The following LRBA variants were observed in gnomAD, a reference collection of about 807,000 sequenced individuals.
LRBA encodes the protein LPS responsive beige-like anchor protein.
Under a neutral mutation model 330.0 loss-of-function variants are expected in LRBA, and 176 were observed. The ratio of observed to expected loss-of-function variants is 0.53; its 90% CI spans 0.47 to 0.60. The LOEUF (loss-of-function observed/expected upper bound fraction) is 0.60, where lower values mean the gene tolerates loss of function less well. LRBA is among the 20% of genes least tolerant of loss of function. The pLI is 0.00. For missense variants in LRBA, 3,259 were observed against 3,444.8 expected (o/e 0.95, Z 1.35); for synonymous variants, 1,230 against 1,193.0 (o/e 1.03, Z -0.64).
intron 36 of LRBA, among the ~76,000 whole-genome samples, chr4:150,719,225 TTC>T (rs1185989025): frequency 1.3e-5 from 2 of 151,994 alleles, no homozygotes; most frequent in East Asian, 1.9e-4. Flanking sequence ...ACCTTCCTCG[TTC>T]TCTCTCATTC....
intron 40 of LRBA, among the ~76,000 whole-genome samples, chr4:150,574,664 T>C (rs1272213126): frequency 9.2e-5 from 14 of 152,054 alleles, no homozygotes. Flanking sequence ...TACATATCTA[T>C]AGATTTGTAT....
intron 40 of LRBA, among the ~76,000 whole-genome samples, chr4:150,551,398 A>C (rs1384453613): frequency 6.6e-6 from 1 of 152,110 alleles, no homozygotes; most frequent in East Asian, 1.9e-4. Flanking sequence ...AAGACTAAAA[A>C]GCAGGAGTGG....
chr4:150,487,992 T>G (rs1259892139), intron 41 of LRBA, among the ~76,000 whole-genome samples, 158 bp from the exon 42 acceptor site: 1 of 151,728 alleles, frequency 6.6e-6, no homozygotes, highest in Non-Finnish European at 1.5e-5. Context: ...GTTTTAGTAT[T>G]AATATGCCAG....
At chr4:150,501,382 T>C (rs901806270) in intron 40 of LRBA, among the ~76,000 whole-genome samples, 4 of 152,000 alleles carry the variant, frequency 2.6e-5, no homozygotes, top group Admixed American at 2.0e-4. Flanking sequence ...TAGGCCAAGG[T>C]GGGAGAATCA....
At chr4:150,278,549 G>A (rs150119661) in intron 55 of LRBA, among the ~76,000 whole-genome samples, 88 of 152,258 alleles carry the variant, frequency 5.8e-4, no homozygotes, top group Non-Finnish European at 1.1e-3. Context: ...TCTCAGTTCA[G>A]CATTTTCTTG....
intron 56 of LRBA, among the ~76,000 whole-genome samples, chr4:150,276,374 C>CAAAG (rs1325308436): frequency 3.9e-5 from 6 of 152,128 alleles, no homozygotes; most frequent in Non-Finnish European, 7.3e-5. Flanking sequence ...TAGGCATGGG[C>CAAAG]AAAGACTTCA....
chr4:150,427,764 T>A (rs1749836371), intron 46 of LRBA, among the ~76,000 whole-genome samples: 1 of 152,028 alleles, frequency 6.6e-6, no homozygotes, highest in Non-Finnish European at 1.5e-5. Flanking sequence ...AATTACTAAA[T>A]CATCGAAGTT....
rs373460238 is a variant in LRBA at position 150,908,326 on chromosome 4, G to C, written c.1493+8C>G. 5 of 1,604,034 alleles carry C rather than the reference G, an allele frequency of 3.1e-6. No individual in the cohort carries two copies. Among genetic ancestry groups the C allele is most frequent in the Non-Finnish European group, 4.2e-6 (5 of 1,177,762 alleles). Reference sequence around the variant, plus strand: ...CAGCCAATTAAAGAAACAAATAAAGGCACTCACCATATAGTCAAATCAATC... The same window carrying C: ...CAGCCAATTAAAGAAACAAATAAAGCCACTCACCATATAGTCAAATCAATC... On this transcript the variant is annotated splice_region_variant and intron_variant, in intron 11 of 56. Transcript: ENST00000651943.
At chr4:150,336,321 T>A (rs149877995) in intron 48 of LRBA, among the ~76,000 whole-genome samples, 2 of 152,226 alleles carry the variant, frequency 1.3e-5, no homozygotes, top group African/African-American at 4.8e-5. Flanking sequence ...TTTACTTTTT[T>A]AACTTATCTG....
intron 44 of LRBA, among the ~76,000 whole-genome samples, chr4:150,455,549 A>C (rs1166771045): frequency 6.6e-6 from 1 of 152,156 alleles, no homozygotes; most frequent in Admixed American, 6.6e-5. Flanking sequence ...ATAGGTACAT[A>C]GTTTGTGTAT....
At chr4:150,803,420 G>A (rs1473090530) in intron 33 of LRBA, among the ~76,000 whole-genome samples, 1 of 151,904 alleles carries the variant, frequency 6.6e-6, no homozygotes, top group African/African-American at 2.4e-5. Flanking sequence ...TAAGTTCATA[G>A]ATACTATACT....
rs571900852 is a variant in LRBA, at chr4:150,505,438, G to A, written c.6331-14403C>T. ...AGGATTAAGAAACTCAATCAAAACC[G>A]CTCAACTACATGGAAACTGAACAAC... On this transcript the variant is annotated intron_variant, in intron 40 of 56. Transcript: ENST00000651943. Among the ~76,000 whole-genome samples the A allele has an allele frequency of 9.2e-4, 140 of 152,164 alleles. 3 individuals are homozygous for A. The South Asian group carries it at 0.021, about 23-fold the overall frequency.
chr4:150,675,053 A>C (rs941474635), intron 37 of LRBA, among the ~76,000 whole-genome samples: 1 of 152,012 alleles, frequency 6.6e-6, no homozygotes, highest in South Asian at 2.1e-4. Context: ...TTTGTTGCCC[A>C]GAAAGAAAAA....
chr4:150,288,597 A>T (rs1407692660), intron 53 of LRBA, among the ~76,000 whole-genome samples: 1 of 152,184 alleles, frequency 6.6e-6, no homozygotes, highest in East Asian at 1.9e-4. Flanking sequence ...TCAAAAAAAT[A>T]ATAAAATAAG....
intron 40 of LRBA, among the ~76,000 whole-genome samples, chr4:150,568,309 T>C (rs774927628): frequency 6.6e-6 from 1 of 152,142 alleles, no homozygotes; most frequent in Non-Finnish European, 1.5e-5. Flanking sequence ...GGTAGGACTT[T>C]AAGGATTTTA....
At chr4:150,376,895 T>A (rs1374377953) in intron 47 of LRBA, among the ~76,000 whole-genome samples, 2 of 151,954 alleles carry the variant, frequency 1.3e-5, no homozygotes, top group Non-Finnish European at 2.9e-5. Context: ...TTTAGGTTGG[T>A]GGAAGTGAAA....
chr4:150,906,689 C>G (rs1315330789), intron 11 of LRBA, among the ~76,000 whole-genome samples: 1 of 152,102 alleles, frequency 6.6e-6, no homozygotes, highest in East Asian at 1.9e-4. Context: ...AAATGAGCAA[C>G]TTCCAAAAAC....
intron 47 of LRBA, among the ~76,000 whole-genome samples, chr4:150,412,611 A>G (rs571008854): frequency 6.6e-6 from 1 of 152,216 alleles, no homozygotes; most frequent in South Asian, 2.1e-4. Flanking sequence ...TATATAACTT[A>G]TTCAAATGTT....
chr4:150,579,892 G>A (rs1174509380), intron 40 of LRBA: 7 of 363,848 alleles, frequency 1.9e-5, no homozygotes, highest in Non-Finnish European at 3.3e-5. Flanking sequence ...TCGAGAGTGG[G>A]GCGGGAAAGC....
Sources: gnomAD v4.1 joint callset for allele counts (sites outside exome capture counted in the v4.1 genomes callset) on GRCh38, gnomAD v4.1.1 for gene constraint, MANE v1.5 for transcripts, NCBI Gene and HGNC (gene_info 2026-07-23, HGNC 2026-07-21) for gene names.